ASAP2: variants seen among roughly 807,000 people sequenced by gnomAD.
The protein encoded by ASAP2 is ArfGAP with SH3 domain, ankyrin repeat and PH domain 2.
ASAP2 carries 45 observed loss-of-function variants against 131.4 expected under a neutral mutation model. The observed-to-expected ratio is 0.34, with a 90% confidence interval of 0.27 to 0.44. The LOEUF (loss-of-function observed/expected upper bound fraction) is 0.44, where lower values mean the gene tolerates loss of function less well. ASAP2 is among the 20% of genes least tolerant of loss of function. The pLI, the probability that ASAP2 is intolerant of heterozygous loss-of-function variation, is 1.00. For synonymous variants in ASAP2, 510 were observed against 503.0 expected, an observed-to-expected ratio of 1.01 and a Z score of -0.19; for missense variants, 1,011 against 1,297.0, an observed-to-expected ratio of 0.78 and a Z score of 3.39.
At chr2:9,357,349 C>T (rs1340128263) in intron 14 of ASAP2, among the ~76,000 whole-genome samples, 6 of 151,938 alleles carry the variant, frequency 3.9e-5, no homozygotes, top group Admixed American at 1.3e-4. Flanking sequence ...CGTGGTAGTG[C>T]GCACATGTAG....
intron 3 of ASAP2, among the ~76,000 whole-genome samples, chr2:9,307,280 A>C (rs1383307281): frequency 6.6e-6 from 1 of 152,130 alleles, no homozygotes; most frequent in Non-Finnish European, 1.5e-5. Context: ...CTTGCTGGTC[A>C]GGAGCCACAC....
chr2:9,298,803 C>T (rs1459328322), intron 3 of ASAP2, among the ~76,000 whole-genome samples: 1 of 152,198 alleles, frequency 6.6e-6, no homozygotes, highest in Admixed American at 6.5e-5. Flanking sequence ...CCTTTCCATG[C>T]ACACAGAGCT....
At chr2:9,228,321 A>G (rs542573043) in intron 1 of ASAP2, among the ~76,000 whole-genome samples, 3 of 152,258 alleles carry the variant, frequency 2.0e-5, no homozygotes, top group East Asian at 3.9e-4. Flanking sequence ...GTTACAATGC[A>G]TATTTCTTTT....
chr2:9,358,314 T>C (rs547358723), intron 14 of ASAP2, among the ~76,000 whole-genome samples: 113 of 152,364 alleles, frequency 7.4e-4, no homozygotes, highest in African/African-American at 2.5e-3. Flanking sequence ...TTCTCTGTTA[T>C]TATCAGCATC....
intron 22 of ASAP2, among the ~76,000 whole-genome samples, chr2:9,388,976 A>C (rs1461338023): frequency 1.3e-5 from 2 of 151,948 alleles, no homozygotes; most frequent in East Asian, 3.9e-4. Context: ...ATTACTTCTT[A>C]CCCATGATCC....
intron 1 of ASAP2, among the ~76,000 whole-genome samples, chr2:9,264,587 C>T (rs991485329): frequency 2.0e-5 from 3 of 152,182 alleles, no homozygotes; most frequent in African/African-American, 7.2e-5. Context: ...CTTTCCCATG[C>T]AAGTCATACG....
At chr2:9,304,440 A>G (rs530782968) in intron 3 of ASAP2, among the ~76,000 whole-genome samples, 9 of 99,550 alleles carry the variant, frequency 9.0e-5, no homozygotes, top group African/African-American at 3.5e-4. Flanking sequence ...GGATGTAGAT[A>G]GGGGGTGGAA....
intron 3 of ASAP2, among the ~76,000 whole-genome samples, chr2:9,317,133 A>ACACC (rs1553311238): frequency 6.8e-6 from 1 of 147,924 alleles, no homozygotes; most frequent in Non-Finnish European, 1.5e-5. Flanking sequence ...ACCACACAAC[A>ACACC]CACATCCCAA....
At chr2:9,256,990 G>A (rs1343547453) in intron 1 of ASAP2, among the ~76,000 whole-genome samples, 1 of 152,206 alleles carries the variant, frequency 6.6e-6, no homozygotes. Context: ...TGGCTGGAGT[G>A]CCTCCTGCCT....
chr2:9,212,339 C>T (rs1267187216), intron 1 of ASAP2, among the ~76,000 whole-genome samples: 1 of 152,086 alleles, frequency 6.6e-6, no homozygotes, highest in Non-Finnish European at 1.5e-5. Flanking sequence ...TGCAGGTGGT[C>T]CCAGGGCGTG....
intron 1 of ASAP2, among the ~76,000 whole-genome samples, chr2:9,261,678 C>T (rs1665581839): frequency 6.6e-6 from 1 of 152,230 alleles, no homozygotes; most frequent in Admixed American, 6.5e-5. Flanking sequence ...CTGCCCCCAA[C>T]CTTTAACAGT....
At chr2:9,277,868 G>T (rs553457714) in intron 1 of ASAP2, among the ~76,000 whole-genome samples, 1 of 152,126 alleles carries the variant, frequency 6.6e-6, no homozygotes, top group African/African-American at 2.4e-5. Flanking sequence ...ATTTAAAATT[G>T]CCAGCACTAA....
chr2:9,390,985 G>T, intron 22 of ASAP2, 77 bp from the exon 23 acceptor site: 1 of 1,607,310 alleles, frequency 6.2e-7, no homozygotes. Flanking sequence ...ATAACGCAGT[G>T]TTCTGTTTCT....
At chr2:9,239,981 T>A (rs2148068751) in intron 1 of ASAP2, among the ~76,000 whole-genome samples, 1 of 152,266 alleles carries the variant, frequency 6.6e-6, no homozygotes, top group African/African-American at 2.4e-5. Context: ...TGTTTCTAAG[T>A]TGAATTCTTT....
intron 1 of ASAP2, among the ~76,000 whole-genome samples, chr2:9,212,793 C>T (rs1401150758): frequency 6.6e-6 from 1 of 152,218 alleles, no homozygotes; most frequent in Admixed American, 6.5e-5. Context: ...GGAGAGCCAT[C>T]ACCTGGAAAC....
rs116410812 is a variant in ASAP2, at chr2:9,238,489, C to T, written c.126+31259C>T. On this transcript the variant is annotated intron_variant, in intron 1 of 27. Coordinates refer to ENST00000281419, the MANE Select transcript of ASAP2 (RefSeq NM_003887.3). ...AATCCAGATCACTTTCATCCACCTT[C>T]CCATGGGGGCTGCTCCATCCCTTGT... is the stretch of plus-strand genomic sequence containing the variant. Among the ~76,000 whole-genome samples the T allele has an allele frequency of 5.3e-3, 814 of 152,344 alleles. 9 individuals are homozygous for T. Among genetic ancestry groups the T allele is most frequent in the African/African-American group, 0.019 (782 of 41,568 alleles).
chr2:9,393,900 G>T lies in ASAP2; in HGVS notation c.2684+253G>T, dbSNP rs140451791. On this transcript the variant is annotated intron_variant, in intron 24 of 27. Coordinates refer to ENST00000281419, the MANE Select transcript of ASAP2 (RefSeq NM_003887.3). The stretch of plus-strand genomic sequence containing the variant: ...TGTCCTCAACACACAAGGCTTCTGG[G>T]TTCTATTTGCTGCTCACCCCCCAGG... 1.8e-3 allele frequency among the ~76,000 whole-genome samples: 278 copies of T among 152,316 alleles called. 2 individuals carry two copies. The highest frequency in any genetic ancestry group is 6.3e-3 in the African/African-American group (263 of 41,564).
chr2:9,381,749 T>G (rs1674863502), intron 20 of ASAP2, among the ~76,000 whole-genome samples: 1 of 151,978 alleles, frequency 6.6e-6, no homozygotes, highest in South Asian at 2.1e-4. Context: ...CAAAAACGTT[T>G]CGAATTAGCT....
chr2:9,383,113 G>A (rs957794345), intron 20 of ASAP2, among the ~76,000 whole-genome samples: 31 of 151,080 alleles, frequency 2.1e-4, no homozygotes, highest in African/African-American at 7.6e-4. Context: ...GGGGGCCACG[G>A]GACTGTTTGA....
Sources: allele counts gnomAD v4.1 joint callset (sites outside exome capture counted in the v4.1 genomes callset), GRCh38; gene constraint gnomAD v4.1.1; transcripts MANE v1.5; gene names NCBI Gene and HGNC (gene_info 2026-07-23, HGNC 2026-07-21).